The following RPGRIP1L variants were observed in gnomAD, a reference collection of about 807,000 sequenced individuals.
The protein encoded by RPGRIP1L is RPGRIP1 like, also known as protein fantom.
A neutral mutation model predicts 160.4 loss-of-function variants in RPGRIP1L; 131 were observed. That is an observed-to-expected ratio of 0.82 (90% CI 0.71 to 0.94). The LOEUF is 0.94. Among genes scored for constraint, RPGRIP1L ranks in the 40% least tolerant of loss-of-function variants. RPGRIP1L has a pLI of 0.00. For synonymous variants in RPGRIP1L, 510 were observed against 515.8 expected (o/e 0.99, Z 0.15); for missense variants, 1,522 against 1,535.8 (o/e 0.99, Z 0.15).
At chr16:53,636,862 T>G (rs1347946145) in intron 21 of RPGRIP1L, among the ~76,000 whole-genome samples, 1 of 152,066 alleles carries the variant, frequency 6.6e-6, no homozygotes, top group African/African-American at 2.4e-5. Flanking sequence ...CTTATTATTT[T>G]AAAGTTTTAA....
intron 6 of RPGRIP1L, among the ~76,000 whole-genome samples, chr16:53,676,294 TTA>T (rs557743491): frequency 4.3e-4 from 65 of 152,254 alleles, no homozygotes; most frequent in African/African-American, 1.5e-3. Context: ...GTTAAAATAA[TTA>T]TATGTCTAAA....
intron 26 of RPGRIP1L, among the ~76,000 whole-genome samples, chr16:53,604,951 G>A (rs537299317): frequency 1.2e-3 from 185 of 152,252 alleles, no homozygotes; most frequent in African/African-American, 4.4e-3. Context: ...GCCTAGGTGG[G>A]CAGATCACTT....
rs563923133 is a variant in RPGRIP1L at position 53,650,981 on chromosome 16, T to C, written c.2152+1554A>G. On this transcript the variant is annotated intron_variant, in intron 15 of 26. Coordinates refer to ENST00000647211, the MANE Select transcript of RPGRIP1L (RefSeq NM_015272.5). ...ATCTATGCTCATGGCTTAAAATATATTCTATATGCTAACAACTCCCACTTT... is the reference window on the plus strand; with the variant it reads ...ATCTATGCTCATGGCTTAAAATATACTCTATATGCTAACAACTCCCACTTT... Among the ~76,000 whole-genome samples, 15 of 152,326 alleles carry C rather than the reference T, an allele frequency of 9.8e-5. No homozygotes were observed. In the East Asian group the frequency reaches 2.9e-3, roughly 29 times the overall value.
intron 12 of RPGRIP1L, 58 bp from the exon 13 acceptor site, chr16:53,657,690 GAATT>G (rs1271227241): frequency 1.5e-4 from 140 of 950,482 alleles, no homozygotes; most frequent in African/African-American, 7.8e-4. Flanking sequence ...GTGATTTTAT[GAATT>G]AATATAGATG....
At chr16:53,628,463 C>T (rs1301123421) in intron 22 of RPGRIP1L, 1 of 152,048 alleles carries the variant, frequency 6.6e-6, no homozygotes, top group African/African-American at 2.4e-5. Context: ...CAAAAAAATC[C>T]CCTTCAGTCC....
chr16:53,694,544 C>T lies in RPGRIP1L; in HGVS notation c.230+1607G>A, dbSNP rs557205337. 13 of 151,548 alleles carry T rather than the reference C, an allele frequency of 8.6e-5. No individual in the cohort carries two copies. The East Asian group carries it at 9.7e-4, about 11-fold the overall frequency. The allele number at this position is 151,548 out of a possible 1,614,324, so 9.4% of individuals were successfully genotyped here. ...TTGTTTTGTTTTTTAGACAGAGTTT[C>T]GCTCTTATTGCCCAAGCTCAGTCCA... On this transcript the variant is annotated intron_variant, in intron 3 of 26. Coordinates refer to ENST00000647211, the MANE Select transcript of RPGRIP1L (RefSeq NM_015272.5).
chr16:53,668,285 C>T (rs2151217694), intron 9 of RPGRIP1L, among the ~76,000 whole-genome samples: 1 of 152,274 alleles, frequency 6.6e-6, no homozygotes, highest in East Asian at 1.9e-4. Context: ...AAACAGAACA[C>T]AGAGCATCTA....
chr16:53,676,668 C>T (rs62050419), intron 6 of RPGRIP1L, among the ~76,000 whole-genome samples: 8,710 of 151,986 alleles, frequency 0.057, 427 homozygotes, highest in African/African-American at 0.13. Context: ...GAGACTTGCT[C>T]TGTCACCCAG....
At position 53,699,330 on chromosome 16, in the gene RPGRIP1L, A is replaced by G. The variant is rs543575719; in HGVS notation, c.85+1309T>C. ...TTTATCTGCTGACCTTCCCTCCACT[A>G]TTGTCCTATGACCCTGCCAAATCCC... On this transcript the variant is annotated intron_variant, in intron 2 of 26. Coordinates refer to ENST00000647211, the MANE Select transcript of RPGRIP1L (RefSeq NM_015272.5). Among the ~76,000 whole-genome samples, 9 of 138,042 alleles carry G rather than the reference A, an allele frequency of 6.5e-5. No homozygotes were observed. The South Asian group carries it at 2.1e-3, about 32-fold the overall frequency. The allele number at this position is 138,042 out of a possible 152,430, so 90.6% of individuals were successfully genotyped here.
chr16:53,621,407 G>T (rs1964696665), intron 23 of RPGRIP1L, among the ~76,000 whole-genome samples: 1 of 149,010 alleles, frequency 6.7e-6, no homozygotes. Context: ...TTCTTTTTAT[G>T]ATGTCTATCT....
intron 15 of RPGRIP1L, among the ~76,000 whole-genome samples, chr16:53,651,562 G>T (rs1966853757): frequency 6.6e-6 from 1 of 152,112 alleles, no homozygotes; most frequent in Admixed American, 6.6e-5. Flanking sequence ...TCCTCCCACT[G>T]TCAGGCTTGC....
chr16:53,678,043 T>C (rs1969318798), intron 6 of RPGRIP1L, among the ~76,000 whole-genome samples: 1 of 152,118 alleles, frequency 6.6e-6, no homozygotes, highest in African/African-American at 2.4e-5. Context: ...ACTAATTAAG[T>C]GCTTTGTAAA....
chr16:53,674,633 CAAT>C (rs1969006891), intron 7 of RPGRIP1L, among the ~76,000 whole-genome samples: 1 of 151,852 alleles, frequency 6.6e-6, no homozygotes, highest in Non-Finnish European at 1.5e-5. Flanking sequence ...GGTCTATTGC[CAAT>C]AATTTTATAA....
intron 14 of RPGRIP1L, among the ~76,000 whole-genome samples, chr16:53,655,079 T>C (rs1260666980): frequency 6.6e-6 from 1 of 152,166 alleles, no homozygotes; most frequent in Non-Finnish European, 1.5e-5. Context: ...CTCTCACAAG[T>C]GTATAATGGA....
intron 10 of RPGRIP1L, 41 bp from the exon 11 acceptor site, chr16:53,658,919 A>C: frequency 7.7e-7 from 1 of 1,294,666 alleles, no homozygotes; most frequent in Non-Finnish European, 1.1e-6. Flanking sequence ...GTAAGTAAAA[A>C]TCAGGTTTAA....
In RPGRIP1L at chr16:53,641,060, G is replaced by T. The variant is rs761869488; in HGVS notation, c.2931C>A (p.Phe977Leu). Residue 977 changes from phenylalanine (F) to leucine (L), a missense_variant, in exon 19 of 27, where the codon TTC becomes TTA. Phe to Leu is a conservative substitution (Grantham distance 22, BLOSUM62 0). Transcript: ENST00000647211. The part of the protein sequence containing the change: ...RLTPVDKKVS[F>L]VDIMPHQSDE... ...CACTCTGATGTGGCATGATATCCAC[G>T]AAAGATACCTTCTTATCTACAGGTG... 1.2e-6 allele frequency: 2 copies of T among 1,613,562 alleles called. No homozygotes were observed. The highest frequency in any genetic ancestry group is 2.7e-5 in the African/African-American group (2 of 75,002).
At chr16:53,674,894 G>T in intron 7 of RPGRIP1L, 123 bp downstream of exon 7, 1 of 673,498 alleles carries the variant, frequency 1.5e-6, no homozygotes, top group Non-Finnish European at 2.6e-6. Context: ...TGAATACAAA[G>T]AACAATCCTT....
At chr16:53,700,086 C>G (rs906859347) in intron 2 of RPGRIP1L, among the ~76,000 whole-genome samples, 12 of 152,322 alleles carry the variant, frequency 7.9e-5, no homozygotes, top group African/African-American at 2.4e-4. Flanking sequence ...ACACAGCTCT[C>G]TGTTCTAAAT....
At position 53,699,733 on chromosome 16, in the gene RPGRIP1L, G is replaced by A. The variant is rs535602256; in HGVS notation, c.85+906C>T. Among the ~76,000 whole-genome samples, 6 of 149,642 alleles carry A rather than the reference G, an allele frequency of 4.0e-5. No homozygotes were observed. In the East Asian group the frequency reaches 1.2e-3, roughly 30 times the overall value. On this transcript the variant is annotated intron_variant, in intron 2 of 26. Coordinates refer to ENST00000647211, the MANE Select transcript of RPGRIP1L (RefSeq NM_015272.5). ...CATGGCAGGCTGAGGCAGGAGAATC[G>A]CTTAAATCCGGGAGGCGGAGGTTGT...
Sources: gnomAD v4.1 joint callset for allele counts (sites outside exome capture counted in the v4.1 genomes callset) on GRCh38, gnomAD v4.1.1 for gene constraint, MANE v1.5 for transcripts, NCBI Gene and HGNC (gene_info 2026-07-23, HGNC 2026-07-21) for gene names.